The following DMD variants were observed in gnomAD, a reference collection of about 807,000 sequenced individuals.
DMD encodes mutant dystrophin.
Under a neutral mutation model 330.1 loss-of-function variants are expected in DMD, and 63 were observed. That is an observed-to-expected ratio of 0.19 (90% CI 0.16 to 0.24). The LOEUF (loss-of-function observed/expected upper bound fraction) is 0.24, where lower values mean the gene tolerates loss of function less well. Ranked by LOEUF, DMD falls within the 10% of genes least tolerant of loss-of-function variation. The probability of loss-of-function intolerance (pLI) is 1.00; values close to 1 mark genes in which losing one functional copy is unlikely to be tolerated. For synonymous variants in DMD, 1,223 were observed against 959.8 expected (o/e 1.27, Z -5.07); for missense variants, 3,344 against 2,684.1 (o/e 1.25, Z -5.43).
chrX:33,139,896 A>AAAAAAAAAAAAAAAG (rs2047712754), intron 1 of DMD, among the ~76,000 whole-genome samples: 1 of 105,326 alleles, frequency 9.5e-6, no homozygotes, highest in African/African-American at 3.5e-5. Context: ...AAAAAAAAAA[A>AAAAAAAAAAAAAAAG]TGTCTAATCA....
chrX:32,848,960 G>C (rs2080912508), intron 3 of DMD, among the ~76,000 whole-genome samples: 1 of 111,103 alleles, frequency 9.0e-6, no homozygotes, highest in African/African-American at 3.3e-5. Flanking sequence ...GACAGCTTCA[G>C]TTTGTATAAT....
chrX:31,799,227 T>C (rs779343431), intron 50 of DMD, among the ~76,000 whole-genome samples: 156 of 112,338 alleles, frequency 1.4e-3, no homozygotes, highest in African/African-American at 5.0e-3. Context: ...ATGTTGGTTG[T>C]ATTAGTCTGT....
At chrX:31,918,699 G>A (rs1187584384) in intron 47 of DMD, among the ~76,000 whole-genome samples, 1 of 109,178 alleles carries the variant, frequency 9.2e-6, no homozygotes, top group African/African-American at 3.3e-5. Flanking sequence ...ATGCAGTGGC[G>A]TGATCTCCTT....
intron 12 of DMD, among the ~76,000 whole-genome samples, chrX:32,601,404 A>G (rs1392637820): frequency 8.9e-6 from 1 of 111,800 alleles, no homozygotes; most frequent in East Asian, 2.8e-4. Context: ...ATGAATGTTT[A>G]TGTTTCTGCC....
At chrX:32,243,680 T>C (rs1028599692) in intron 43 of DMD, among the ~76,000 whole-genome samples, 17 of 111,727 alleles carry the variant, frequency 1.5e-4, no homozygotes, top group African/African-American at 5.5e-4. Flanking sequence ...ATATATTTCA[T>C]TTAATGTAAG....
At chrX:31,373,224 C>T (rs1393241317) in intron 60 of DMD, among the ~76,000 whole-genome samples, 15 of 106,567 alleles carry the variant, frequency 1.4e-4, no homozygotes, top group African/African-American at 2.8e-4. Flanking sequence ...GAATCAATAT[C>T]GTGAAAATGG....
intron 1 of DMD, among the ~76,000 whole-genome samples, chrX:33,276,068 A>T (rs141112250): frequency 0.011 from 1,223 of 111,934 alleles, 20 homozygotes; most frequent in African/African-American, 0.038. Context: ...TGGGATATAT[A>T]GTATTCCATC....
intron 1 of DMD, among the ~76,000 whole-genome samples, chrX:33,063,365 C>T (rs891788944): frequency 1.8e-5 from 2 of 111,475 alleles, no homozygotes; most frequent in African/African-American, 6.5e-5. Context: ...GGATGATATT[C>T]AACAGGACTT....
chrX:31,230,492 C>G (rs770371725), intron 63 of DMD, among the ~76,000 whole-genome samples: 2 of 109,965 alleles, frequency 1.8e-5, no homozygotes, highest in Non-Finnish European at 3.8e-5. Flanking sequence ...ATTAAAAACA[C>G]AAAAAAATTA....
chrX:31,570,449 A>G (rs1045431124), intron 55 of DMD, among the ~76,000 whole-genome samples: 12 of 111,067 alleles, frequency 1.1e-4, no homozygotes, highest in African/African-American at 3.6e-4. Flanking sequence ...TACCAAGTTC[A>G]TGGAGGGGCT....
chrX:32,749,759 A>C (rs761656474), intron 7 of DMD, among the ~76,000 whole-genome samples: 295 of 112,506 alleles, frequency 2.6e-3, no homozygotes, highest in African/African-American at 9.3e-3. Flanking sequence ...ACCAAGGCAG[A>C]ACTACGTAAA....
At chrX:31,449,797 TAG>T (rs1365393375) in intron 59 of DMD, among the ~76,000 whole-genome samples, 151 of 81,211 alleles carry the variant, frequency 1.9e-3, no homozygotes, top group Non-Finnish European at 2.7e-3. Context: ...TATATATATA[TAG>T]ATAGATAGAT....
At chrX:31,318,115 T>G (rs1000394393) in intron 62 of DMD, among the ~76,000 whole-genome samples, 5 of 112,038 alleles carry the variant, frequency 4.5e-5, no homozygotes, top group Non-Finnish European at 7.5e-5. Flanking sequence ...TGGGACATAT[T>G]TGGAATCCGA....
intron 7 of DMD, among the ~76,000 whole-genome samples, chrX:32,757,182 T>G (rs1159386478): frequency 9.0e-6 from 1 of 111,652 alleles, no homozygotes; most frequent in African/African-American, 3.3e-5. Flanking sequence ...TGAGAACATT[T>G]AAAGTCTATT....
intron 62 of DMD, among the ~76,000 whole-genome samples, chrX:31,301,086 C>T (rs190833643): frequency 1.8e-4 from 20 of 111,709 alleles, no homozygotes; most frequent in African/African-American, 6.5e-4. Flanking sequence ...GGGAGCTAGC[C>T]TGAGAGTGTG....
chrX:32,564,465 C>A (rs1213969214), intron 16 of DMD, among the ~76,000 whole-genome samples: 1 of 110,818 alleles, frequency 9.0e-6, no homozygotes. Context: ...TACATAAATA[C>A]CAATGTATTG....
intron 74 of DMD, among the ~76,000 whole-genome samples, chrX:31,152,820 G>A (rs1037857459): frequency 8.9e-6 from 1 of 112,915 alleles, no homozygotes; most frequent in African/African-American, 3.2e-5. Context: ...GATTACAGGT[G>A]TGAGCCACTG....
At chrX:32,647,599 G>C (rs1397682371) in intron 9 of DMD, among the ~76,000 whole-genome samples, 1 of 111,812 alleles carries the variant, frequency 8.9e-6, no homozygotes, top group Admixed American at 9.5e-5. Flanking sequence ...AGGGAATCTT[G>C]TGACTTTGGG....
chrX:32,879,349 C>G (rs1396035886), intron 2 of DMD, among the ~76,000 whole-genome samples: 1 of 111,830 alleles, frequency 8.9e-6, no homozygotes, highest in Non-Finnish European at 1.9e-5. Flanking sequence ...TGGCACATGA[C>G]TCTCATCACA....
Sources: gnomAD v4.1 joint callset for allele counts (sites outside exome capture counted in the v4.1 genomes callset) on GRCh38, gnomAD v4.1.1 for gene constraint, MANE v1.5 for transcripts, NCBI Gene and HGNC (gene_info 2026-07-23, HGNC 2026-07-21) for gene names.